PKIA: variants seen among roughly 807,000 people sequenced by gnomAD.
The protein encoded by PKIA is PKI-alpha.
Under a neutral mutation model 7.6 loss-of-function variants are expected in PKIA, and 4 were observed. That is an observed-to-expected ratio of 0.52 (90% CI 0.26 to 1.20). The LOEUF (loss-of-function observed/expected upper bound fraction) is 1.20, where lower values mean the gene tolerates loss of function less well. Ranked by LOEUF, PKIA falls within the 50% of genes most tolerant of loss-of-function variation. PKIA has a pLI of 0.13. For missense variants in PKIA, 73 were observed against 86.2 expected, an observed-to-expected ratio of 0.85 and a Z score of 0.61; for synonymous variants, 21 against 30.7, an observed-to-expected ratio of 0.68 and a Z score of 1.04.
chr8:78,564,140 G>A (rs553430041), intron 1 of PKIA, among the ~76,000 whole-genome samples: 2 of 151,776 alleles, frequency 1.3e-5, no homozygotes, highest in African/African-American at 4.8e-5. Flanking sequence ...GAAGAAAGAT[G>A]GGAATTTGAG....
intron 1 of PKIA, among the ~76,000 whole-genome samples, chr8:78,553,683 G>A (rs11781391): frequency 0.041 from 6,173 of 150,956 alleles, 167 homozygotes; most frequent in Middle Eastern, 0.064. Context: ...GATGCAGACA[G>A]ATGTAATATG....
chr8:78,543,636 G>C (rs929150461), intron 1 of PKIA, among the ~76,000 whole-genome samples: 2 of 152,198 alleles, frequency 1.3e-5, no homozygotes, highest in African/African-American at 2.4e-5. Flanking sequence ...TGGAGGCCTA[G>C]AGGCTGGTAT....
intron 3 of PKIA, among the ~76,000 whole-genome samples, chr8:78,601,209 T>C (rs368864029): frequency 2.0e-5 from 3 of 152,100 alleles, no homozygotes; most frequent in African/African-American, 7.2e-5. Context: ...ACTGGCCAGC[T>C]GACATAGTGT....
intron 1 of PKIA, among the ~76,000 whole-genome samples, chr8:78,548,200 T>C (rs1806883483): frequency 6.6e-6 from 1 of 152,158 alleles, no homozygotes; most frequent in Non-Finnish European, 1.5e-5. Flanking sequence ...AGTATATTAA[T>C]AGCCTCATTA....
At chr8:78,574,979 T>C (rs1807639406) in intron 2 of PKIA, among the ~76,000 whole-genome samples, 1 of 151,978 alleles carries the variant, frequency 6.6e-6, no homozygotes, top group Admixed American at 6.6e-5. Flanking sequence ...GAATTTCTTT[T>C]CTTAGCTGAA....
intron 2 of PKIA, among the ~76,000 whole-genome samples, chr8:78,594,074 A>G (rs909365987): frequency 6.9e-6 from 1 of 144,964 alleles, no homozygotes; most frequent in African/African-American, 2.4e-5. Context: ...AAATGCAGTA[A>G]TCTATTGAGA....
At chr8:78,598,065 A>G (rs1313893116) in intron 2 of PKIA, among the ~76,000 whole-genome samples, 2 of 148,072 alleles carry the variant, frequency 1.4e-5, no homozygotes, top group Admixed American at 6.8e-5. Context: ...ATACATAATA[A>G]TATGTATTAT....
At chr8:78,578,414 A>T (rs1807726438) in intron 2 of PKIA, among the ~76,000 whole-genome samples, 1 of 152,000 alleles carries the variant, frequency 6.6e-6, no homozygotes, top group Admixed American at 6.6e-5. Flanking sequence ...ATGTCTCAAC[A>T]TTGTGTACTT....
intron 1 of PKIA, among the ~76,000 whole-genome samples, chr8:78,536,898 ACACACACAC>A (rs981840130): frequency 7.3e-6 from 1 of 137,642 alleles, no homozygotes; most frequent in Non-Finnish European, 1.6e-5. Flanking sequence ...ACACACACAC[ACACACACAC>A]ACTACATTTT....
intron 2 of PKIA, among the ~76,000 whole-genome samples, chr8:78,592,370 T>A (rs1292691776): frequency 6.6e-6 from 1 of 152,160 alleles, no homozygotes; most frequent in Non-Finnish European, 1.5e-5. Flanking sequence ...AATATTACTT[T>A]TATAGTAATA....
intron 1 of PKIA, among the ~76,000 whole-genome samples, chr8:78,540,021 A>G (rs1806636753): frequency 6.6e-6 from 1 of 151,982 alleles, no homozygotes; most frequent in Non-Finnish European, 1.5e-5. Context: ...GTCAAGAAGA[A>G]AGAGGAGTGT....
rs566775207 is a variant in PKIA at position 78,562,458 on chromosome 8, C to T, written c.-156-10353C>T. ...GTTATCTAGTGCAAAGACACTAAAA[C>T]ATAAACCACTTAATAAGACTTATAG... On this transcript the variant is annotated intron_variant, in intron 1 of 3. Transcript: ENST00000396418. Among the ~76,000 whole-genome samples the T allele has an allele frequency of 3.3e-5, 5 of 152,276 alleles. No individual in the cohort carries two copies. The South Asian group carries it at 8.3e-4, about 25-fold the overall frequency.
intron 3 of PKIA, among the ~76,000 whole-genome samples, chr8:78,599,887 G>T (rs1329540955): frequency 6.6e-6 from 1 of 151,018 alleles, no homozygotes; most frequent in African/African-American, 2.4e-5. Flanking sequence ...TCCTGAAGTT[G>T]AGAATTGTTA....
intron 1 of PKIA, chr8:78,556,685 CTTTG>C (rs529831683): frequency 7.0e-4 from 106 of 152,076 alleles, no homozygotes; most frequent in Middle Eastern, 3.4e-3. Context: ...TATTACTGAA[CTTTG>C]TTTGAGTTTT....
intron 1 of PKIA, among the ~76,000 whole-genome samples, chr8:78,542,533 T>C (rs756968414): frequency 2.0e-5 from 3 of 152,194 alleles, no homozygotes; most frequent in Non-Finnish European, 4.4e-5. Flanking sequence ...GGCCAACCAC[T>C]ATCTGTTCTG....
chr8:78,573,203 T>A (rs1319223903), intron 2 of PKIA, among the ~76,000 whole-genome samples: 1 of 151,986 alleles, frequency 6.6e-6, no homozygotes, highest in Non-Finnish European at 1.5e-5. Context: ...TCCCAGGAGG[T>A]TAGGCCTGTG....
At chr8:78,568,789 T>A (rs1415179623) in intron 1 of PKIA, among the ~76,000 whole-genome samples, 1 of 152,184 alleles carries the variant, frequency 6.6e-6, no homozygotes, top group Non-Finnish European at 1.5e-5. Context: ...TCTGGCAGTA[T>A]GTACACCTCT....
At chr8:78,597,539 T>A (rs947191913) in intron 2 of PKIA, among the ~76,000 whole-genome samples, 1 of 152,134 alleles carries the variant, frequency 6.6e-6, no homozygotes, top group Non-Finnish European at 1.5e-5. Flanking sequence ...CAGACAATGC[T>A]CTCACTTAGT....
At chr8:78,550,551 AAC>A (rs1259365411) in intron 1 of PKIA, among the ~76,000 whole-genome samples, 1 of 152,120 alleles carries the variant, frequency 6.6e-6, no homozygotes, top group Non-Finnish European at 1.5e-5. Context: ...CCAAACCTGG[AAC>A]ACAGATTCAG....
Sources: allele counts gnomAD v4.1 joint callset (sites outside exome capture counted in the v4.1 genomes callset), GRCh38; gene constraint gnomAD v4.1.1; transcripts MANE v1.5; gene names NCBI Gene and HGNC (gene_info 2026-07-23, HGNC 2026-07-21).